TMEM164: variants seen among roughly 807,000 people sequenced by gnomAD.
TMEM164 encodes transmembrane protein 164, also known as RP13-360B22.2.
A neutral mutation model predicts 18.8 loss-of-function variants in TMEM164; 4 were observed. The observed-to-expected ratio is 0.21, with a 90% CI of 0.10 to 0.49. The LOEUF (loss-of-function observed/expected upper bound fraction) is 0.49. Among genes scored for constraint, TMEM164 ranks in the 20% least tolerant of loss-of-function variants. The pLI, the probability that TMEM164 is intolerant of heterozygous loss-of-function variation, is 0.98. For synonymous variants in TMEM164, 86 were observed against 101.7 expected, an observed-to-expected ratio of 0.85 and a Z score of 0.93; for missense variants, 108 against 239.9, an observed-to-expected ratio of 0.45 and a Z score of 3.63.
At chrX:110,019,663 C>G (rs1933689175) in intron 2 of TMEM164, among the ~76,000 whole-genome samples, 1 of 112,133 alleles carries the variant, frequency 8.9e-6, no homozygotes, top group Non-Finnish European at 1.9e-5. Context: ...CTGTGCTAAT[C>G]AATCATAGGC....
chrX:110,107,272 A>T (rs892394081), intron 3 of TMEM164, among the ~76,000 whole-genome samples: 1 of 111,064 alleles, frequency 9.0e-6, no homozygotes, highest in Non-Finnish European at 1.9e-5. Context: ...TTGAATTCTG[A>T]CTCTACTCTC....
downstream of TMEM164, among the ~76,000 whole-genome samples, chrX:110,181,447 C>T (rs755497326): frequency 1.4e-4 from 16 of 112,123 alleles, no homozygotes; most frequent in African/African-American, 4.2e-4. Flanking sequence ...GGTGCTCTGG[C>T]CTTTTCCCTG....
intron 2 of TMEM164, among the ~76,000 whole-genome samples, chrX:110,021,965 G>A (rs998821057): frequency 9.0e-6 from 1 of 111,353 alleles, no homozygotes; most frequent in Non-Finnish European, 1.9e-5. Flanking sequence ...AACAGTGGAG[G>A]TCAGAGTCCT....
intron 2 of TMEM164, among the ~76,000 whole-genome samples, chrX:110,059,823 A>G (rs1253375791): frequency 8.9e-6 from 1 of 112,121 alleles, no homozygotes; most frequent in East Asian, 2.8e-4. Context: ...TGGCTCAGGG[A>G]AGCCAAAAGA....
intron 3 of TMEM164, among the ~76,000 whole-genome samples, chrX:110,095,923 C>G (rs889967330): frequency 1.8e-5 from 2 of 112,514 alleles, no homozygotes; most frequent in African/African-American, 6.5e-5. Flanking sequence ...CCCTCAGCTG[C>G]AGGTCTGTTG....
intron 4 of TMEM164, among the ~76,000 whole-genome samples, chrX:110,138,359 A>G (rs965845405): frequency 1.8e-5 from 2 of 112,396 alleles, no homozygotes; most frequent in African/African-American, 6.5e-5. Context: ...CCAAAGTTGT[A>G]TAGAGAATAA....
intron 4 of TMEM164, among the ~76,000 whole-genome samples, chrX:110,125,304 G>A (rs930222853): frequency 2.7e-5 from 3 of 111,774 alleles, no homozygotes; most frequent in African/African-American, 9.8e-5. Context: ...GGCAGATTTG[G>A]AGCCCAGCGA....
At chrX:110,105,707 CACACACACACACAGACACACACACAG>C (rs1255467904) in intron 3 of TMEM164, among the ~76,000 whole-genome samples, 7 of 98,565 alleles carry the variant, frequency 7.1e-5, no homozygotes, top group African/African-American at 2.4e-4. Flanking sequence ...CACACACACA[CACACACACACACAGACACACACACAG>C]AGAGAGAGAG....
chrX:110,139,596 T>C (rs2066740054), intron 4 of TMEM164, among the ~76,000 whole-genome samples: 1 of 112,118 alleles, frequency 8.9e-6, no homozygotes, highest in African/African-American at 3.2e-5. Context: ...AGCATGGCTT[T>C]ATATTTTTCT....
intron 3 of TMEM164, among the ~76,000 whole-genome samples, chrX:110,096,487 C>T (rs1380075233): frequency 1.8e-5 from 2 of 112,945 alleles, no homozygotes; most frequent in African/African-American, 6.4e-5. Context: ...CCTCCGAGGC[C>T]AGGTGCGAGA....
chrX:110,019,363 T>A (rs148404447), intron 2 of TMEM164, among the ~76,000 whole-genome samples: 2 of 111,185 alleles, frequency 1.8e-5, no homozygotes, highest in East Asian at 5.6e-4. Context: ...CTCTTCCTTT[T>A]CTTCTTTGAT....
intron 4 of TMEM164, among the ~76,000 whole-genome samples, chrX:110,140,662 G>GTCTTTT (rs2066756872): frequency 8.9e-6 from 1 of 112,229 alleles, no homozygotes. Context: ...ATTCTAAAAA[G>GTCTTTT]GATGTTGACT....
rs190875408 is a variant in TMEM164, at chrX:110,059,641, C to G, written c.391-7706C>G. On this transcript the variant is annotated intron_variant, in intron 2 of 6. Transcript: ENST00000372068. ...CTATATAAAATTAGAGCAAGCTTGTCCAGCCTGTGGACTGCATGTAGCCCA... is the reference window on the plus strand; with the variant it reads ...CTATATAAAATTAGAGCAAGCTTGTGCAGCCTGTGGACTGCATGTAGCCCA... Among the ~76,000 whole-genome samples the G allele has an allele frequency of 8.9e-5, 10 of 112,215 alleles. No individual in the cohort carries two copies. The East Asian group carries it at 1.1e-3, about 12-fold the overall frequency.
chrX:110,079,703 A>G (rs1195091561), intron 3 of TMEM164, among the ~76,000 whole-genome samples: 1 of 111,103 alleles, frequency 9.0e-6, no homozygotes, highest in East Asian at 2.8e-4. Flanking sequence ...CGTTTCTGCT[A>G]TTAATCATTG....
intron 2 of TMEM164, among the ~76,000 whole-genome samples, chrX:110,004,804 A>G (rs1932586063): frequency 8.9e-6 from 1 of 111,777 alleles, no homozygotes; most frequent in Non-Finnish European, 1.9e-5. Flanking sequence ...CACTATGGTG[A>G]GAGGGTATTT....
chrX:110,178,310 T>G (rs1261563239), downstream of TMEM164, among the ~76,000 whole-genome samples: 4 of 112,194 alleles, frequency 3.6e-5, no homozygotes, highest in Non-Finnish European at 7.5e-5. Context: ...TGTTCAGGCT[T>G]TCACCTGGGC....
intron 2 of TMEM164, among the ~76,000 whole-genome samples, chrX:110,006,347 G>A (rs1446978157): frequency 1.8e-5 from 2 of 111,278 alleles, no homozygotes; most frequent in Non-Finnish European, 3.8e-5. Flanking sequence ...GAGGATGATG[G>A]CACTTTAGGA....
chrX:110,064,869 C>T (rs144428675), intron 2 of TMEM164, among the ~76,000 whole-genome samples: 1,830 of 108,063 alleles, frequency 0.017, 12 homozygotes, highest in Middle Eastern at 0.062. Flanking sequence ...TGGTGGTGCA[C>T]ACCTGTAGTC....
intron 5 of TMEM164, among the ~76,000 whole-genome samples, chrX:110,168,103 G>A (rs1464735488): frequency 8.9e-6 from 1 of 112,291 alleles, no homozygotes; most frequent in Non-Finnish European, 1.9e-5. Context: ...GATGGAGGGA[G>A]GGGGCACCCG....
Sources: allele counts gnomAD v4.1 joint callset (sites outside exome capture counted in the v4.1 genomes callset), GRCh38; gene constraint gnomAD v4.1.1; transcripts MANE v1.5; gene names NCBI Gene and HGNC (gene_info 2026-07-23, HGNC 2026-07-21).